The following PLEKHM3 variants were observed in gnomAD, a reference collection of about 807,000 sequenced individuals.
The protein encoded by PLEKHM3 is pleckstrin homology domain containing M3, also known as pleckstrin homology domain-containing family M member 3.
Under a neutral mutation model 81.8 loss-of-function variants are expected in PLEKHM3, and 45 were observed. The observed-to-expected ratio is 0.55, with a 90% CI of 0.43 to 0.71. The LOEUF is 0.71. PLEKHM3 is among the 30% of genes least tolerant of loss of function. The pLI is 0.00. For synonymous variants in PLEKHM3, 352 were observed against 356.4 expected (o/e 0.99, Z 0.14); for missense variants, 788 against 924.3 (o/e 0.85, Z 1.91).
intron 6 of PLEKHM3, among the ~76,000 whole-genome samples, chr2:207,891,924 A>T (rs1688072361): frequency 6.6e-6 from 1 of 152,208 alleles, no homozygotes; most frequent in Non-Finnish European, 1.5e-5. Context: ...GAACTAAGTA[A>T]CTCAGGTGAC....
intron 6 of PLEKHM3, among the ~76,000 whole-genome samples, chr2:207,863,722 C>T (rs2092480706): frequency 6.6e-6 from 1 of 152,080 alleles, no homozygotes; most frequent in African/African-American, 2.4e-5. Context: ...CAGATAGGAC[C>T]TCAGAGATGC....
In PLEKHM3 at chr2:207,825,246, A is replaced by C. The variant is rs1024577707; in HGVS notation, c.*3073T>G. 6 of 152,070 alleles carry C rather than the reference A, an allele frequency of 3.9e-5. No homozygotes were observed. The highest frequency in any genetic ancestry group is 2.0e-4 in the Admixed American group (3 of 15,258). 9.4% of individuals were successfully genotyped at this position (152,070 alleles called of 1,614,324 possible). ...CTGCGGGGTTAGATGCCAACATTTC[A>C]CCAGGGTTGGACGATCTCACACATG... is the stretch of plus-strand genomic sequence containing the variant. On this transcript the variant is annotated 3_prime_UTR_variant, in exon 8 of 8. Transcript: ENST00000427836.
At chr2:207,903,816 G>A (rs17537366) in intron 6 of PLEKHM3, among the ~76,000 whole-genome samples, 12,347 of 152,234 alleles carry the variant, frequency 0.081, 676 homozygotes, top group Non-Finnish European at 0.12. Flanking sequence ...TACTTAACAG[G>A]GAAAGCAGAT....
At position 207,826,388 on chromosome 2, in the gene PLEKHM3, T is replaced by C. The variant is rs1032365902; in HGVS notation, c.*1931A>G. On this transcript the variant is annotated 3_prime_UTR_variant, in exon 8 of 8. Coordinates refer to ENST00000427836, the MANE Select transcript of PLEKHM3 (RefSeq NM_001080475.3). ...CACCCTTTTTCTTTTGTGTGCAACA[T>C]TCTCTTTAACTAGAGTGGGGGAAAA... 6.6e-6 allele frequency: 1 copy of C among 152,238 alleles called. No homozygotes were observed. The highest frequency in any genetic ancestry group is 1.5e-5 in the Non-Finnish European group (1 of 68,044). The allele number at this position is 152,238 out of a possible 1,614,324, so 9.4% of individuals were successfully genotyped here.
At chr2:207,862,277 C>T (rs977374025) in intron 6 of PLEKHM3, among the ~76,000 whole-genome samples, 2 of 152,160 alleles carry the variant, frequency 1.3e-5, no homozygotes, top group African/African-American at 4.8e-5. Flanking sequence ...TTGGAAATAG[C>T]TAGAAATAGC....
rs573954158 is a variant in PLEKHM3 at position 207,854,763 on chromosome 2, AAGAAGGAGGATTCTCCAC to A, written c.2108+6324_2108+6341del. Among the ~76,000 whole-genome samples the A allele has an allele frequency of 1.7e-4, 26 of 152,336 alleles. No homozygotes were observed. The South Asian group carries it at 5.4e-3, about 32-fold the overall frequency. On this transcript the variant is annotated intron_variant, in intron 7 of 7. Coordinates refer to ENST00000427836, the MANE Select transcript of PLEKHM3 (RefSeq NM_001080475.3). ...CTTAGAGAACTGCATCTGATCAAGG[AAGAAGGAGGATTCTCCAC>A]AGTTTTTACTACTGAGTAAAGACCC...
intron 5 of PLEKHM3, among the ~76,000 whole-genome samples, chr2:207,923,168 G>C (rs1689243135): frequency 6.6e-6 from 1 of 152,100 alleles, no homozygotes; most frequent in African/African-American, 2.4e-5. Flanking sequence ...CCCATCCAAG[G>C]GTGTTGCGTT....
chr2:207,935,704 C>T (rs986723035), intron 4 of PLEKHM3, among the ~76,000 whole-genome samples: 3 of 152,078 alleles, frequency 2.0e-5, no homozygotes, highest in Non-Finnish European at 4.4e-5. Context: ...AACTCAGATC[C>T]CTGGAGACTC....
intron 1 of PLEKHM3, among the ~76,000 whole-genome samples, chr2:208,021,183 G>T (rs1693118746): frequency 6.6e-6 from 1 of 152,220 alleles, no homozygotes; most frequent in Non-Finnish European, 1.5e-5. Context: ...TACTGGGCTA[G>T]AACCAGCTTG....
At chr2:207,911,210 G>A (rs76052205) in intron 5 of PLEKHM3, among the ~76,000 whole-genome samples, 5,813 of 152,158 alleles carry the variant, frequency 0.038, 351 homozygotes, top group African/African-American at 0.13. Context: ...CCAGATGAGG[G>A]TTGTTTGTTT....
intron 1 of PLEKHM3, among the ~76,000 whole-genome samples, chr2:208,015,475 C>CAAA (rs11458602): frequency 6.0e-4 from 91 of 151,242 alleles, no homozygotes; most frequent in Middle Eastern, 3.4e-3. Context: ...AGTTAATTTA[C>CAAA]AAAAAAAAAT....
At chr2:207,965,918 A>G (rs1000017108) in intron 3 of PLEKHM3, among the ~76,000 whole-genome samples, 4 of 152,264 alleles carry the variant, frequency 2.6e-5, no homozygotes, top group African/African-American at 9.6e-5. Context: ...GAAGGACCAC[A>G]TTAATCTCAT....
At chr2:207,921,714 T>A (rs768338828) in intron 5 of PLEKHM3, among the ~76,000 whole-genome samples, 2 of 152,230 alleles carry the variant, frequency 1.3e-5, no homozygotes, top group Non-Finnish European at 2.9e-5. Context: ...TCTACTTCTA[T>A]GTGATCCACT....
At chr2:207,953,817 C>G (rs1226561351) in intron 3 of PLEKHM3, among the ~76,000 whole-genome samples, 1 of 140,224 alleles carries the variant, frequency 7.1e-6, no homozygotes, top group East Asian at 2.0e-4. Flanking sequence ...AAGCAAGACT[C>G]TGTCTACAAA....
chr2:207,852,421 C>A (rs571852871), intron 7 of PLEKHM3, among the ~76,000 whole-genome samples: 3 of 152,270 alleles, frequency 2.0e-5, no homozygotes, highest in African/African-American at 4.8e-5. Flanking sequence ...TCAATCCCAG[C>A]ACCTTCTCTA....
At chr2:207,847,501 C>G (rs1180130795) in intron 7 of PLEKHM3, among the ~76,000 whole-genome samples, 2 of 152,232 alleles carry the variant, frequency 1.3e-5, no homozygotes, top group Admixed American at 6.5e-5. Flanking sequence ...CACCCTGCCT[C>G]TGCCATGCAC....
At chr2:207,909,760 C>G (rs777238729) in intron 5 of PLEKHM3, among the ~76,000 whole-genome samples, 1 of 152,206 alleles carries the variant, frequency 6.6e-6, no homozygotes, top group Non-Finnish European at 1.5e-5. Context: ...AAAACAAAAA[C>G]TCTCTTGGTG....
At chr2:207,888,713 T>C (rs1272729357) in intron 6 of PLEKHM3, among the ~76,000 whole-genome samples, 1 of 152,218 alleles carries the variant, frequency 6.6e-6, no homozygotes, top group Non-Finnish European at 1.5e-5. Flanking sequence ...ACTTCTATTA[T>C]GTCTATAAGC....
intron 3 of PLEKHM3, among the ~76,000 whole-genome samples, chr2:207,960,278 A>G (rs1690682934): frequency 6.6e-6 from 1 of 152,032 alleles, no homozygotes; most frequent in South Asian, 2.1e-4. Context: ...GTCTGCTATG[A>G]TAAGAGGACA....
Sources: allele counts gnomAD v4.1 joint callset (sites outside exome capture counted in the v4.1 genomes callset), GRCh38; gene constraint gnomAD v4.1.1; transcripts MANE v1.5; gene names NCBI Gene and HGNC (gene_info 2026-07-23, HGNC 2026-07-21).